Variants in BBOF1 observed in about 807,000 individuals in gnomAD.
BBOF1 encodes basal body-orientation factor 1.
In BBOF1, 62 loss-of-function variants were observed where a neutral mutation model predicts 68.0. The observed-to-expected ratio is 0.91, with a 90% CI of 0.74 to 1.13. BBOF1 has a LOEUF of 1.13. Among genes scored for constraint, BBOF1 ranks in the 50% most tolerant of loss-of-function variants. BBOF1 has a pLI of 0.00. For missense variants in BBOF1, 534 were observed against 600.1 expected (o/e 0.89, Z 1.15); for synonymous variants, 208 against 198.8 (o/e 1.05, Z -0.39).
chr14:74,047,684 C>A (rs959291893), intron 6 of BBOF1, among the ~76,000 whole-genome samples: 2 of 152,096 alleles, frequency 1.3e-5, no homozygotes, highest in Admixed American at 6.6e-5. Flanking sequence ...AGTGATCCTC[C>A]CGTCTCAGCC....
intron 6 of BBOF1, 103 bp downstream of exon 6, chr14:74,046,233 A>G: frequency 9.6e-7 from 1 of 1,039,860 alleles, no homozygotes; most frequent in Non-Finnish European, 1.4e-6. Context: ...GTTCTGGCTT[A>G]CTTGCTTCAA....
chr14:74,057,733 T>C, intron 11 of BBOF1: 1 of 1,167,866 alleles, frequency 8.6e-7, no homozygotes, highest in Non-Finnish European at 1.1e-6. Flanking sequence ...CTGAGAAATT[T>C]CAAATGAAGC....
chr14:74,023,925 C>CACAAAAAAAAAA, intron 2 of BBOF1, among the ~76,000 whole-genome samples: 1 of 46,780 alleles, frequency 2.1e-5, no homozygotes, highest in Non-Finnish European at 4.6e-5. Flanking sequence ...GACTCCATCT[C>CACAAAAAAAAAA]AAAAAAAAAA....
At chr14:74,051,696 T>A (rs1466726684) in intron 8 of BBOF1, among the ~76,000 whole-genome samples, 1 of 151,726 alleles carries the variant, frequency 6.6e-6, no homozygotes, top group East Asian at 1.9e-4. Flanking sequence ...TGGATTAAAT[T>A]ATAGTCCATT....
intron 6 of BBOF1, 53 bp downstream of exon 6, chr14:74,046,183 C>G (rs981698903): frequency 6.9e-7 from 1 of 1,456,230 alleles, no homozygotes; most frequent in South Asian, 1.3e-5. Context: ...TACCTCTTTG[C>G]TGGTCTCTTT....
chr14:74,041,046 G>A (rs957995073), intron 5 of BBOF1, among the ~76,000 whole-genome samples: 9 of 152,176 alleles, frequency 5.9e-5, no homozygotes, highest in East Asian at 1.9e-4. Context: ...GGCTGGGCAC[G>A]GTGGCTCACG....
At chr14:74,026,622 CTAATAAA>C (rs1409043993) in intron 2 of BBOF1, among the ~76,000 whole-genome samples, 1 of 151,808 alleles carries the variant, frequency 6.6e-6, no homozygotes, top group African/African-American at 2.4e-5. Flanking sequence ...TTGCACCAAC[CTAATAAA>C]TAATAGCAAA....
intron 11 of BBOF1, among the ~76,000 whole-genome samples, chr14:74,061,879 A>T (rs2060348895): frequency 6.6e-6 from 1 of 151,936 alleles, no homozygotes; most frequent in Admixed American, 6.6e-5. Flanking sequence ...CTAGAATGAC[A>T]TTTTACCAGA....
At chr14:74,029,743 TATA>T (rs1444655740) in intron 3 of BBOF1, among the ~76,000 whole-genome samples, 1 of 151,608 alleles carries the variant, frequency 6.6e-6, no homozygotes, top group South Asian at 2.1e-4. Context: ...TAAAAAACCA[TATA>T]ATATTAAGAT....
At chr14:74,077,751 G>A (rs1348385875) in intron 9 of BBOF1, among the ~76,000 whole-genome samples, 1 of 152,108 alleles carries the variant, frequency 6.6e-6, no homozygotes, top group Non-Finnish European at 1.5e-5. Context: ...GAGTTTTGGT[G>A]GAGACAAACC....
chr14:74,071,882 G>T, intron 9 of BBOF1: 1 of 1,613,622 alleles, frequency 6.2e-7, no homozygotes, highest in Non-Finnish European at 8.5e-7. Context: ...TCCCATAAGG[G>T]GCTCCCAGCT....
rs1404226038 is a variant in BBOF1, at chr14:74,040,567, G to A, written c.498G>A (p.Leu166=). Residue 166 remains leucine (L), a splice_region_variant and synonymous_variant, in exon 5 of 12, where the codon CTG becomes CTA. Coordinates refer to ENST00000394009, the MANE Select transcript of BBOF1 (RefSeq NM_025057.3). ...KIQVERELDD[L]KENLRNTERI... ...TTTGTTTGTTATTTTAATTTTAGCT[G>A]AAAGAGAATTTAAGAAACACAGAGC... The A allele has an allele frequency of 7.0e-6, 11 of 1,564,526 alleles. No homozygotes were observed. In the Admixed American group the frequency reaches 2.3e-4, roughly 32 times the overall value.
At chr14:74,038,829 C>G (rs900349596) in intron 4 of BBOF1, among the ~76,000 whole-genome samples, 2 of 151,870 alleles carry the variant, frequency 1.3e-5, no homozygotes, top group South Asian at 2.1e-4. Context: ...CGTGGCAGAA[C>G]ACCATCTCTA....
At position 74,049,696 on chromosome 14, in the gene BBOF1, T is replaced by C. The variant is rs763467134; in HGVS notation, c.793-6T>C. The C allele has an allele frequency of 6.3e-6, 10 of 1,583,188 alleles. No homozygotes were observed. In the South Asian group the frequency reaches 1.0e-4, roughly 16 times the overall value. On this transcript the variant is annotated splice_region_variant and splice_polypyrimidine_tract_variant and intron_variant, in intron 7 of 11. Coordinates refer to ENST00000394009, the MANE Select transcript of BBOF1 (RefSeq NM_025057.3). ...AAAAAATCACCTCTCATCTTTCTGT[T>C]TTTAGGAGATCAATGATCTGTTGGT...
chr14:74,034,642 C>T (rs938587720), intron 4 of BBOF1, among the ~76,000 whole-genome samples: 12 of 152,242 alleles, frequency 7.9e-5, no homozygotes, highest in African/African-American at 2.2e-4. Flanking sequence ...TTACTTTCCT[C>T]GGCTTAGAAT....
intron 2 of BBOF1, among the ~76,000 whole-genome samples, chr14:74,025,792 T>C (rs2059409938): frequency 1.3e-5 from 2 of 152,150 alleles, no homozygotes; most frequent in South Asian, 4.1e-4. Context: ...CCAGCATTCC[T>C]TGGAGAAATG....
At position 74,048,112 on chromosome 14, in the gene BBOF1, T is replaced by A. The variant is rs1308407764; in HGVS notation, c.792+38T>A. 1.9e-6 allele frequency: 3 copies of A among 1,583,668 alleles called. No individual in the cohort carries two copies. The African/African-American group carries it at 4.1e-5, about 22-fold the overall frequency. On this transcript the variant is annotated intron_variant, in intron 7 of 11. Coordinates refer to ENST00000394009, the MANE Select transcript of BBOF1 (RefSeq NM_025057.3). The stretch of plus-strand genomic sequence containing the variant: ...TTAGACTTGGTGTCCTTCTTTTCTT[T>A]ATTTAAGGATTGGGTTGGTAAATAC...
intron 3 of BBOF1, 136 bp downstream of exon 3, chr14:74,029,385 G>A: frequency 1.8e-6 from 1 of 560,254 alleles, no homozygotes; most frequent in Admixed American, 3.1e-5. Context: ...TGATTGTATA[G>A]AAATTCAAAA....
In BBOF1 at chr14:74,050,163, T is replaced by C. The variant is rs761551500; in HGVS notation, c.1254T>C (p.Ser418=). Residue 418 remains serine, a synonymous_variant, in exon 8 of 12, where the codon AGT becomes AGC. Coordinates refer to ENST00000394009, the MANE Select transcript of BBOF1 (RefSeq NM_025057.3). ...ATGGCAGAGAGCACAGCACCAATAG[T>C]GTGAATCAGGATCTTCTGGAGGCCG... is the stretch of plus-strand genomic sequence containing the variant. ...TFDGREHSTN[S]VNQDLLEAEK... The C allele has an allele frequency of 1.3e-6, 2 of 1,568,984 alleles. No individual in the cohort carries two copies. Among genetic ancestry groups the C allele is most frequent in the Non-Finnish European group, 1.7e-6 (2 of 1,157,076 alleles).
Sources: gnomAD v4.1 joint callset for allele counts (sites outside exome capture counted in the v4.1 genomes callset) on GRCh38, gnomAD v4.1.1 for gene constraint, MANE v1.5 for transcripts, NCBI Gene and HGNC (gene_info 2026-07-23, HGNC 2026-07-21) for gene names.